The following GON4L variants were observed in gnomAD, a reference collection of about 807,000 sequenced individuals.
GON4L encodes the protein gon-4 like, also known as GON-4-like protein.
In GON4L, 87 loss-of-function variants were observed where a neutral mutation model predicts 211.8. That is an observed-to-expected ratio of 0.41 (90% CI 0.35 to 0.49). The LOEUF (loss-of-function observed/expected upper bound fraction) is 0.49. Among genes scored for constraint, GON4L ranks in the 20% least tolerant of loss-of-function variants. GON4L has a pLI of 0.15. For missense variants in GON4L, 2,155 were observed against 2,659.5 expected (o/e 0.81, Z 4.17); for synonymous variants, 875 against 962.6 (o/e 0.91, Z 1.68).
chr1:155,786,964 C>T (rs1279028821), intron 12 of GON4L, among the ~76,000 whole-genome samples: 1 of 151,752 alleles, frequency 6.6e-6, no homozygotes, highest in Non-Finnish European at 1.5e-5. Context: ...CTCTGTCGCC[C>T]AGGCTGGAGT....
upstream of GON4L, among the ~76,000 whole-genome samples, chr1:155,858,332 C>T (rs1467107161): frequency 6.6e-6 from 1 of 152,158 alleles, no homozygotes; most frequent in Non-Finnish European, 1.5e-5. Context: ...AGGTAAACCA[C>T]CAACACAAAT....
At chr1:155,780,601 AAAATAAAATAAATAAAT>A (rs1208568126) in intron 14 of GON4L, among the ~76,000 whole-genome samples, 2 of 151,564 alleles carry the variant, frequency 1.3e-5, no homozygotes, top group African/African-American at 2.4e-5. Context: ...TCAAAAAAAT[AAAATAAAATAAATAAAT>A]AAATAAAATA....
chr1:155,799,983 C>T (rs1486428902), intron 11 of GON4L, among the ~76,000 whole-genome samples: 1 of 151,878 alleles, frequency 6.6e-6, no homozygotes, highest in Non-Finnish European at 1.5e-5. Flanking sequence ...GGCGGATCAC[C>T]TGAGGTTGGA....
At chr1:155,788,140 C>T (rs60996699) in intron 12 of GON4L, among the ~76,000 whole-genome samples, 4 of 152,032 alleles carry the variant, frequency 2.6e-5, no homozygotes, top group Admixed American at 6.6e-5. Context: ...TACAGGCATG[C>T]GCCACCACGC....
chr1:155,798,347 A>C (rs1435289672), intron 11 of GON4L, among the ~76,000 whole-genome samples: 2 of 149,700 alleles, frequency 1.3e-5, no homozygotes, highest in African/African-American at 4.9e-5. Flanking sequence ...GGAATAGAAT[A>C]CTGTCTTCAT....
chr1:155,789,964 ACT>A lies in GON4L; in HGVS notation c.1748-4592_1748-4591del, dbSNP rs1491145234. ...ATTTATTTATTTGAGACAAGCTCTC[ACT>A]CTGTCACCCAGGCTGGAGTGCAGTG... On this transcript the variant is annotated intron_variant, in intron 12 of 31. Transcript: ENST00000368331. Among the ~76,000 whole-genome samples, 63 of 151,850 alleles carry A rather than the reference ACT, an allele frequency of 4.1e-4. 1 individual carries two copies. The highest frequency in any genetic ancestry group is 1.5e-3 in the African/African-American group (62 of 41,446).
intron 3 of GON4L, among the ~76,000 whole-genome samples, chr1:155,825,442 C>T (rs985744835): frequency 7.9e-5 from 12 of 150,952 alleles, no homozygotes; most frequent in Admixed American, 7.9e-4. Flanking sequence ...GCATGGTGGC[C>T]GTGCCAGTAA....
chr1:155,818,796 G>A (rs1269081773), intron 6 of GON4L, among the ~76,000 whole-genome samples: 1 of 151,156 alleles, frequency 6.6e-6, no homozygotes, highest in Non-Finnish European at 1.5e-5. Context: ...GGGTCAATTG[G>A]AAACCAGCCT....
At chr1:155,838,795 T>A (rs1183914913) in intron 2 of GON4L, among the ~76,000 whole-genome samples, 3 of 149,772 alleles carry the variant, frequency 2.0e-5, no homozygotes, top group Non-Finnish European at 4.4e-5. Flanking sequence ...AAAAAAATTA[T>A]AAATAATAAT....
intron 18 of GON4L, 117 bp from the exon 19 acceptor site, chr1:155,771,334 C>T (rs1663169440): frequency 7.4e-6 from 10 of 1,360,120 alleles, no homozygotes; most frequent in South Asian, 3.7e-5. Flanking sequence ...CAAGGTCTCA[C>T]GCTGTCACCC....
chr1:155,832,297 A>G (rs866819123), intron 2 of GON4L, among the ~76,000 whole-genome samples: 3 of 150,844 alleles, frequency 2.0e-5, no homozygotes, highest in African/African-American at 7.3e-5. Flanking sequence ...AAAAAAAAAA[A>G]AAAAAGAAAG....
chr1:155,809,465 A>G (rs1365180072), intron 10 of GON4L, among the ~76,000 whole-genome samples: 2 of 150,228 alleles, frequency 1.3e-5, no homozygotes, highest in Non-Finnish European at 3.0e-5. Flanking sequence ...CATACTCCAA[A>G]GCATGGTGAT....
chr1:155,801,442 T>C (rs1374488495), intron 11 of GON4L, among the ~76,000 whole-genome samples: 2 of 152,150 alleles, frequency 1.3e-5, no homozygotes, highest in African/African-American at 2.4e-5. Flanking sequence ...TCAAACTCCA[T>C]CTTTTTCTCC....
intron 6 of GON4L, among the ~76,000 whole-genome samples, chr1:155,816,773 T>TAAAAAAAAA (rs34370558): frequency 1.3e-5 from 1 of 78,082 alleles, no homozygotes; most frequent in Non-Finnish European, 2.3e-5. Context: ...TTTTTTTTCT[T>TAAAAAAAAA]AAAAAAAAAA....
rs775647584 is a variant in GON4L, at chr1:155,752,379, C to T, written c.6054G>A (p.Glu2018=). ...CTGACTCACTCACTGCCTTTTGGCC[C>T]TCCCTCTCTTTCTGAAGTCTGGGGG... is the stretch of plus-strand genomic sequence containing the variant. ...KASPRLQKER[E]GQKAVSESEA... is the part of the protein sequence containing the mutation. Residue 2018 remains glutamate (E), a synonymous_variant, in exon 30 of 32, where the codon GAG becomes GAA. Coordinates refer to ENST00000368331, the MANE Select transcript of GON4L (RefSeq NM_001282860.2). 33 of 1,595,214 alleles carry T rather than the reference C, an allele frequency of 2.1e-5. No individual in the cohort carries two copies. In the South Asian group the frequency reaches 2.8e-4, roughly 13 times the overall value.
Position 155,765,258 on chromosome 1 carries a change from A to G in GON4L, c.4215T>C (p.Asp1405=). 1.2e-6 allele frequency: 2 copies of G among 1,614,170 alleles called. No homozygotes were observed. The highest frequency in any genetic ancestry group is 1.3e-5 in the African/African-American group (1 of 75,040). Residue 1405 remains aspartate, a synonymous_variant, in exon 21 of 32, where the codon GAT becomes GAC. Transcript: ENST00000368331. ...CATTCTTTGATGATCCTTTGTTCACATCTGTCCCTGAGGTTCCTTCATCAG... is the reference window on the plus strand; with the variant it reads ...CATTCTTTGATGATCCTTTGTTCACGTCTGTCCCTGAGGTTCCTTCATCAG... ...EPPDEGTSGT[D]VNKGSSKNAL... is the part of the protein sequence containing the mutation.
At chr1:155,825,684 C>T (rs777228202) in intron 3 of GON4L, among the ~76,000 whole-genome samples, 5 of 151,890 alleles carry the variant, frequency 3.3e-5, no homozygotes, top group Non-Finnish European at 5.9e-5. Context: ...ATCAATTGAG[C>T]ACAGCAGTTT....
intron 25 of GON4L, 113 bp from the exon 26 acceptor site, chr1:155,757,436 A>G (rs979658104): frequency 4.4e-6 from 4 of 901,906 alleles, no homozygotes; most frequent in Middle Eastern, 3.6e-4. Context: ...TGGGAAACAC[A>G]CAGAGACTCT....
intron 10 of GON4L, among the ~76,000 whole-genome samples, chr1:155,811,622 T>A (rs1667782846): frequency 6.7e-6 from 1 of 149,944 alleles, no homozygotes; most frequent in Non-Finnish European, 1.5e-5. Flanking sequence ...CTGGGTGTGG[T>A]GTCAGTCACC....
Sources: allele counts gnomAD v4.1 joint callset (sites outside exome capture counted in the v4.1 genomes callset), GRCh38; gene constraint gnomAD v4.1.1; transcripts MANE v1.5; gene names NCBI Gene and HGNC (gene_info 2026-07-23, HGNC 2026-07-21).